NOL4: variants seen among roughly 807,000 people sequenced by gnomAD.
The protein encoded by NOL4 is cancer/testis antigen 125.
NOL4 carries 17 observed loss-of-function variants against 75.9 expected under a neutral mutation model. That is an observed-to-expected ratio of 0.22 (90% CI 0.15 to 0.34). The LOEUF is 0.34. Among genes scored for constraint, NOL4 ranks in the 10% least tolerant of loss-of-function variants. NOL4 has a pLI of 1.00. For missense variants in NOL4, 614 were observed against 793.5 expected, an observed-to-expected ratio of 0.77 and a Z score of 2.72; for synonymous variants, 292 against 289.9, an observed-to-expected ratio of 1.01 and a Z score of -0.07.
At chr18:34,094,400 G>A (rs1042239452) in intron 4 of NOL4, among the ~76,000 whole-genome samples, 1 of 152,120 alleles carries the variant, frequency 6.6e-6, no homozygotes, top group East Asian at 1.9e-4. Context: ...AAATTGCACG[G>A]CAACCACAAA....
intron 6 of NOL4, among the ~76,000 whole-genome samples, chr18:33,992,457 T>A (rs2072991929): frequency 6.6e-6 from 1 of 151,952 alleles, no homozygotes; most frequent in African/African-American, 2.4e-5. Flanking sequence ...CTGGAAGTCA[T>A]CCTAAGGACA....
intron 1 of NOL4, among the ~76,000 whole-genome samples, chr18:34,175,609 A>G (rs2146295461): frequency 6.6e-6 from 1 of 152,160 alleles, no homozygotes; most frequent in African/African-American, 2.4e-5. Context: ...AAGGTTAGGA[A>G]AGAGCTCTCA....
chr18:34,049,959 A>C (rs2144956519), intron 5 of NOL4, among the ~76,000 whole-genome samples: 1 of 152,278 alleles, frequency 6.6e-6, no homozygotes, highest in African/African-American at 2.4e-5. Flanking sequence ...TATGATGTTA[A>C]CTAGAATCTC....
intron 9 of NOL4, among the ~76,000 whole-genome samples, chr18:33,936,610 C>T (rs1160114572): frequency 6.6e-6 from 1 of 152,094 alleles, no homozygotes; most frequent in Non-Finnish European, 1.5e-5. Flanking sequence ...CAAAATCTGT[C>T]ACCCAGCATT....
intron 1 of NOL4, chr18:34,158,735 A>G (rs1236088680): frequency 6.6e-6 from 1 of 152,232 alleles, no homozygotes; most frequent in Non-Finnish European, 1.5e-5. Context: ...CTGCTGTAAT[A>G]CAAGAAACAC....
chr18:33,959,262 G>A (rs1467281177), intron 6 of NOL4, among the ~76,000 whole-genome samples: 4 of 152,110 alleles, frequency 2.6e-5, no homozygotes, highest in Admixed American at 2.6e-4. Context: ...AGCCTCCGTT[G>A]TCAGAATACA....
At chr18:34,042,776 C>T (rs926932455) in intron 5 of NOL4, among the ~76,000 whole-genome samples, 4 of 152,056 alleles carry the variant, frequency 2.6e-5, no homozygotes, top group East Asian at 1.9e-4. Flanking sequence ...CCTTCCCAGA[C>T]GATCACTACC....
At chr18:33,903,237 T>A (rs959230679) in intron 9 of NOL4, among the ~76,000 whole-genome samples, 1 of 151,548 alleles carries the variant, frequency 6.6e-6, no homozygotes, top group African/African-American at 2.4e-5. Flanking sequence ...CAGAAGAGAG[T>A]GCACAGGGGG....
chr18:34,089,327 T>C (rs1034728268), intron 5 of NOL4, among the ~76,000 whole-genome samples: 1 of 152,182 alleles, frequency 6.6e-6, no homozygotes, highest in Non-Finnish European at 1.5e-5. Flanking sequence ...TTCAAAATAT[T>C]AAACAGGGAT....
chr18:33,943,630 A>G (rs1485992821), intron 8 of NOL4, among the ~76,000 whole-genome samples: 1 of 151,996 alleles, frequency 6.6e-6, no homozygotes, highest in Non-Finnish European at 1.5e-5. Flanking sequence ...TTAATATGAA[A>G]TATTATGAAT....
At chr18:34,123,502 C>T (rs991758321) in intron 2 of NOL4, among the ~76,000 whole-genome samples, 1 of 143,854 alleles carries the variant, frequency 7.0e-6, no homozygotes, top group African/African-American at 2.6e-5. Context: ...TATTCTACCT[C>T]AAATGAGATA....
At chr18:33,879,640 C>T (rs550948244) in intron 10 of NOL4, among the ~76,000 whole-genome samples, 3 of 151,966 alleles carry the variant, frequency 2.0e-5, no homozygotes, top group African/African-American at 7.2e-5. Context: ...AAGGGCACAC[C>T]ACTACACTCC....
At chr18:33,929,614 A>C (rs770126782) in intron 9 of NOL4, among the ~76,000 whole-genome samples, 2 of 152,154 alleles carry the variant, frequency 1.3e-5, no homozygotes, top group African/African-American at 2.4e-5. Context: ...TGATACTATA[A>C]AGTGCTAAGT....
At chr18:34,157,845 G>A (rs568295290) in intron 1 of NOL4, among the ~76,000 whole-genome samples, 18 of 152,112 alleles carry the variant, frequency 1.2e-4, no homozygotes, top group Non-Finnish European at 1.8e-4. Context: ...GGTGACCTTT[G>A]GGAGAGGTAG....
chr18:33,951,801 T>C (rs17747791), intron 8 of NOL4, among the ~76,000 whole-genome samples: 1 of 151,906 alleles, frequency 6.6e-6, no homozygotes, highest in African/African-American at 2.4e-5. Context: ...TCGTATTAGG[T>C]TATTTCTTAA....
chr18:34,083,730 G>A (rs990165471), intron 5 of NOL4, among the ~76,000 whole-genome samples: 1 of 152,116 alleles, frequency 6.6e-6, no homozygotes, highest in Admixed American at 6.5e-5. Context: ...TCTTCTTAAT[G>A]AATTCACTTT....
intron 4 of NOL4, among the ~76,000 whole-genome samples, chr18:34,094,260 TA>T (rs1439504364): frequency 6.6e-6 from 1 of 152,172 alleles, no homozygotes; most frequent in Non-Finnish European, 1.5e-5. Context: ...GAAAGGGCTT[TA>T]TAAAAAAATT....
At chr18:34,041,595 C>T (rs528238638) in intron 5 of NOL4, among the ~76,000 whole-genome samples, 1 of 151,822 alleles carries the variant, frequency 6.6e-6, no homozygotes, top group African/African-American at 2.4e-5. Context: ...ACATTTGCTG[C>T]ATTCTTTAAC....
rs963800820 is a variant in NOL4, at chr18:34,059,228, C to A, written c.772+34237G>T. Among the ~76,000 whole-genome samples the A allele has an allele frequency of 2.7e-5, 4 of 149,418 alleles. No homozygotes were observed. In the Admixed American group the frequency reaches 2.7e-4, roughly 10 times the overall value. ...CTCAGACCAACTCTCTGTGAGAGTACTGTCTTCATTTTATAAAATACCCCC... is the reference window on the plus strand; with the variant it reads ...CTCAGACCAACTCTCTGTGAGAGTAATGTCTTCATTTTATAAAATACCCCC... On this transcript the variant is annotated intron_variant, in intron 5 of 10. Transcript: ENST00000261592.
Sources: gnomAD v4.1 joint callset for allele counts (sites outside exome capture counted in the v4.1 genomes callset) on GRCh38, gnomAD v4.1.1 for gene constraint, MANE v1.5 for transcripts, NCBI Gene and HGNC (gene_info 2026-07-23, HGNC 2026-07-21) for gene names.